Variants in DOCK10 observed in about 807,000 individuals in gnomAD.
DOCK10 encodes the protein dedicator of cytokinesis 10.
Under a neutral mutation model 280.1 loss-of-function variants are expected in DOCK10, and 145 were observed. The observed-to-expected ratio is 0.52, with a 90% confidence interval of 0.45 to 0.59. The LOEUF (loss-of-function observed/expected upper bound fraction) is 0.59, where lower values mean the gene tolerates loss of function less well. Ranked by LOEUF, DOCK10 falls within the 20% of genes least tolerant of loss-of-function variation. DOCK10 has a pLI of 0.00. For missense variants in DOCK10, 2,368 were observed against 2,651.7 expected, an observed-to-expected ratio of 0.89 and a Z score of 2.35; for synonymous variants, 915 against 942.2, an observed-to-expected ratio of 0.97 and a Z score of 0.53.
intron 2 of DOCK10, among the ~76,000 whole-genome samples, chr2:224,920,638 G>A (rs1378934991): frequency 6.9e-6 from 1 of 144,016 alleles, no homozygotes; most frequent in Non-Finnish European, 1.5e-5. Context: ...AATCTACTGG[G>A]AACATTAGAC....
In DOCK10 at chr2:224,823,546, A is replaced by C; in HGVS notation, c.3138T>G (p.Leu1046=). 1 of 1,609,228 alleles carries C rather than the reference A, an allele frequency of 6.2e-7. No individual in the cohort carries two copies. The highest frequency in any genetic ancestry group is 1.1e-5 in the South Asian group (1 of 89,672). ...DHVIWKYKDA[L]EETRRANHSV... ...TGTGGTTTGCCCTTCTTGTTTCTTC[A>C]AGTGCATCCTTGTATTTCCAAATCA... The change falls in exon 28 of 56, where the codon CTT becomes CTG. Residue 1046 remains leucine, a synonymous_variant. Coordinates refer to ENST00000258390, the MANE Select transcript of DOCK10 (RefSeq NM_014689.3).
chr2:224,808,198 T>G (rs1559458261), intron 31 of DOCK10, 112 bp from the exon 32 acceptor site: 1 of 940,296 alleles, frequency 1.1e-6, no homozygotes, highest in East Asian at 2.6e-5. Context: ...TAGGAGGGAT[T>G]CAGGAATACA....
chr2:224,883,926 G>A (rs1336207374), intron 7 of DOCK10, among the ~76,000 whole-genome samples: 1 of 152,198 alleles, frequency 6.6e-6, no homozygotes, highest in Non-Finnish European at 1.5e-5. Flanking sequence ...GCTAGAGAAA[G>A]CTTTCAAGTA....
chr2:224,859,183 TA>T (rs1452297758), intron 14 of DOCK10, among the ~76,000 whole-genome samples: 1 of 152,208 alleles, frequency 6.6e-6, no homozygotes, highest in Non-Finnish European at 1.5e-5. Flanking sequence ...ATGGGAATCT[TA>T]AATGACAGCT....
Position 224,793,098 on chromosome 2 carries a change from G to C in DOCK10, c.5213-26C>G, listed in dbSNP as rs182781784. ...CTATGGTAGTGCAAGATGAGGTTAG[G>C]ACATTGCTACATGTTTATGTTAATA... On this transcript the variant is annotated intron_variant, in intron 46 of 55. Coordinates refer to ENST00000258390, the MANE Select transcript of DOCK10 (RefSeq NM_014689.3). The C allele has an allele frequency of 1.4e-3, 2,013 of 1,482,432 alleles. 5 individuals are homozygous for C. Among genetic ancestry groups the C allele is most frequent in the Non-Finnish European group, 1.5e-3 (1,586 of 1,065,592 alleles). 91.8% of individuals were successfully genotyped at this position (1,482,432 alleles called of 1,614,324 possible).
At chr2:224,992,686 T>G (rs561833468) in intron 1 of DOCK10, among the ~76,000 whole-genome samples, 1 of 152,394 alleles carries the variant, frequency 6.6e-6, no homozygotes, top group Admixed American at 6.5e-5. Flanking sequence ...AGAGGACATG[T>G]GCAGCCTTCC....
At chr2:224,841,978 G>T in intron 22 of DOCK10, 82 bp from the exon 23 acceptor site, 1 of 1,018,040 alleles carries the variant, frequency 9.8e-7, no homozygotes, top group Non-Finnish European at 1.5e-6. Context: ...TGTGAGGTAA[G>T]CATTTCTGTA....
chr2:224,861,573 C>T (rs1487454268), intron 14 of DOCK10: 1 of 152,226 alleles, frequency 6.6e-6, no homozygotes, highest in Admixed American at 6.5e-5. Context: ...TAAATAACAA[C>T]CTCAAAATTA....
At chr2:225,014,024 C>T (rs1191463391) in intron 1 of DOCK10, among the ~76,000 whole-genome samples, 1 of 150,214 alleles carries the variant, frequency 6.7e-6, no homozygotes, top group African/African-American at 2.4e-5. Context: ...ACTTAGACCA[C>T]AGCCATGATT....
chr2:225,025,800 A>G (rs961108049), intron 1 of DOCK10, among the ~76,000 whole-genome samples: 1 of 152,164 alleles, frequency 6.6e-6, no homozygotes, highest in Non-Finnish European at 1.5e-5. Flanking sequence ...CCCTTTCAAA[A>G]TTGACAAGTT....
intron 1 of DOCK10, among the ~76,000 whole-genome samples, chr2:224,986,246 T>C (rs1291326881): frequency 6.6e-6 from 1 of 152,150 alleles, no homozygotes; most frequent in Admixed American, 6.6e-5. Context: ...AGATAAAATA[T>C]TTGAGAAATA....
chr2:224,876,172 G>C lies in DOCK10; in HGVS notation c.797C>G (p.Thr266Ser), dbSNP rs1384797549. The change falls in exon 8 of 56, where the codon ACC (threonine) becomes AGC (serine). Residue 266 changes from threonine (T) to serine (S), a missense_variant. Thr to Ser is a moderately conservative substitution (Grantham distance 58). Coordinates refer to ENST00000258390, the MANE Select transcript of DOCK10 (RefSeq NM_014689.3). ...YAFELKMNDL[T>S]YFVLAAETES... ...TGTTTCAGCTGCCAGCACAAAATAG[G>C]TCAGATCATTCATTTTCAATTCAAA... 1.2e-6 allele frequency: 2 copies of C among 1,613,504 alleles called. No individual in the cohort carries two copies. The highest frequency in any genetic ancestry group is 2.7e-5 in the African/African-American group (2 of 74,862).
intron 1 of DOCK10, among the ~76,000 whole-genome samples, chr2:224,972,488 C>T (rs1036690320): frequency 9.2e-5 from 14 of 152,216 alleles, no homozygotes; most frequent in African/African-American, 2.9e-4. Flanking sequence ...AATCAAGATG[C>T]TGTAATTTTG....
At chr2:224,983,249 C>T (rs1705836485) in intron 1 of DOCK10, among the ~76,000 whole-genome samples, 1 of 152,100 alleles carries the variant, frequency 6.6e-6, no homozygotes, top group Non-Finnish European at 1.5e-5. Flanking sequence ...GTCTGGTATT[C>T]CCTGACTCCT....
intron 15 of DOCK10, among the ~76,000 whole-genome samples, chr2:224,855,673 C>T (rs758536863): frequency 6.6e-5 from 10 of 152,212 alleles, no homozygotes; most frequent in African/African-American, 7.2e-5. Flanking sequence ...TCTCGCCAAT[C>T]TTCCTTTAGA....
intron 42 of DOCK10, among the ~76,000 whole-genome samples, chr2:224,797,437 C>T (rs1043392739): frequency 3.3e-5 from 5 of 152,100 alleles, no homozygotes; most frequent in African/African-American, 1.2e-4. Flanking sequence ...CTCAATTCAC[C>T]TGACATTGTT....
chr2:224,858,386 C>G (rs913755978), intron 14 of DOCK10, among the ~76,000 whole-genome samples: 1 of 151,896 alleles, frequency 6.6e-6, no homozygotes, highest in Admixed American at 6.6e-5. Context: ...TGGCTGGGCG[C>G]GGTGGCTCAC....
At chr2:224,843,107 C>T (rs1696082480) in intron 22 of DOCK10, among the ~76,000 whole-genome samples, 1 of 152,100 alleles carries the variant, frequency 6.6e-6, no homozygotes, top group South Asian at 2.1e-4. Context: ...AATTACTCCC[C>T]ATATTGCGGG....
chr2:224,795,055 G>A lies in DOCK10; in HGVS notation c.4978C>T (p.Arg1660Cys), dbSNP rs146730681. 178 of 1,613,866 alleles carry A rather than the reference G, an allele frequency of 1.1e-4. 1 individual carries two copies. The East Asian group carries it at 3.7e-3, about 34-fold the overall frequency. ...GTGGCCATCAAAACAGTCCTTATAC[G>A]CTTAGTCAGGTCCTTCACCTCTGCT... is the stretch of plus-strand genomic sequence containing the variant. Reference protein sequence around the residue: ...FPAEVKDLTKRIRTVLMATAQ... With the variant: ...FPAEVKDLTKCIRTVLMATAQ... The change falls in exon 45 of 56, where the codon CGT (arginine) becomes TGT (cysteine). Residue 1660 changes from arginine (R) to cysteine (C), a missense_variant. By Grantham distance (180) the Arg-to-Cys change is radical. Coordinates refer to ENST00000258390, the MANE Select transcript of DOCK10 (RefSeq NM_014689.3).
Sources: gnomAD v4.1 joint callset for allele counts (sites outside exome capture counted in the v4.1 genomes callset) on GRCh38, gnomAD v4.1.1 for gene constraint, MANE v1.5 for transcripts, NCBI Gene and HGNC (gene_info 2026-07-23, HGNC 2026-07-21) for gene names.